Variants in WWC2 observed in about 807,000 individuals in gnomAD.
WWC2 encodes WW and C2 domain containing 2.
WWC2 carries 101 observed loss-of-function variants against 138.5 expected under a neutral mutation model. The observed-to-expected ratio is 0.73, with a 90% CI of 0.62 to 0.86. WWC2 has a LOEUF of 0.86. WWC2 is among the 40% of genes least tolerant of loss of function. WWC2 has a pLI of 0.00. For synonymous variants in WWC2, 558 were observed against 538.4 expected (o/e 1.04, Z -0.50); for missense variants, 1,420 against 1,419.4 (o/e 1.00, Z -0.01).
intron 1 of WWC2, among the ~76,000 whole-genome samples, chr4:183,189,622 T>C (rs1734933586): frequency 6.6e-6 from 1 of 152,150 alleles, no homozygotes; most frequent in African/African-American, 2.4e-5. Flanking sequence ...GCAGATTCTG[T>C]AGTAATCATA....
At chr4:183,313,487 G>T (rs73872359) in intron 22 of WWC2, among the ~76,000 whole-genome samples, 2 of 152,224 alleles carry the variant, frequency 1.3e-5, no homozygotes, top group South Asian at 2.1e-4. Flanking sequence ...GAGCAGGGGT[G>T]TGGGGAGGAT....
intron 4 of WWC2, among the ~76,000 whole-genome samples, chr4:183,218,989 T>C (rs1191589802): frequency 6.6e-6 from 1 of 152,222 alleles, no homozygotes; most frequent in Admixed American, 6.5e-5. Context: ...CATATACATA[T>C]AATGCAATAT....
chr4:183,228,713 T>C (rs1736148405), intron 4 of WWC2, among the ~76,000 whole-genome samples: 1 of 152,060 alleles, frequency 6.6e-6, no homozygotes, highest in African/African-American at 2.4e-5. Flanking sequence ...TGGAACTCTT[T>C]ACTGCTGGTG....
At chr4:183,275,103 T>C (rs1737812015) in intron 16 of WWC2, among the ~76,000 whole-genome samples, 1 of 152,146 alleles carries the variant, frequency 6.6e-6, no homozygotes, top group South Asian at 2.1e-4. Context: ...CTCCAGCCAC[T>C]GTGGAACTGT....
At chr4:183,198,675 TGAG>T (rs1735216382) in intron 2 of WWC2, among the ~76,000 whole-genome samples, 24 of 151,008 alleles carry the variant, frequency 1.6e-4, no homozygotes, top group Admixed American at 1.5e-3. Context: ...TCTTTGAAGC[TGAG>T]CATGGTAGCT....
At chr4:183,269,292 T>C in intron 15 of WWC2, 129 bp downstream of exon 15, 1 of 889,524 alleles carries the variant, frequency 1.1e-6, no homozygotes, top group Non-Finnish European at 1.8e-6. Context: ...GGGATACATC[T>C]AGTGTTTGTT....
intron 4 of WWC2, among the ~76,000 whole-genome samples, chr4:183,228,533 C>G (rs1471343770): frequency 6.6e-6 from 1 of 152,044 alleles, no homozygotes; most frequent in Non-Finnish European, 1.5e-5. Flanking sequence ...CATATTTGGG[C>G]CATTAGACTT....
intron 21 of WWC2, among the ~76,000 whole-genome samples, chr4:183,307,233 CAGAT>C (rs1739051289): frequency 6.6e-6 from 1 of 152,166 alleles, no homozygotes; most frequent in South Asian, 2.1e-4. Context: ...TTCTAAATAA[CAGAT>C]GGGTCAAAGG....
intron 1 of WWC2, among the ~76,000 whole-genome samples, chr4:183,103,982 CAG>C (rs1393136429): frequency 2.0e-5 from 3 of 151,648 alleles, no homozygotes; most frequent in East Asian, 1.9e-4. Flanking sequence ...TTTTTTGAGA[CAG>C]AGTCTCACAT....
chr4:183,267,306 G>A (rs1040244457), intron 14 of WWC2, among the ~76,000 whole-genome samples: 10 of 152,178 alleles, frequency 6.6e-5, no homozygotes, highest in African/African-American at 2.2e-4. Context: ...GCATCACATA[G>A]AAGTGCCTAG....
At chr4:183,102,617 T>G (rs1020951762) in intron 1 of WWC2, among the ~76,000 whole-genome samples, 1 of 152,190 alleles carries the variant, frequency 6.6e-6, no homozygotes, top group Non-Finnish European at 1.5e-5. Context: ...CAGGGGTCTT[T>G]GGGTGGAGTG....
At chr4:183,126,726 G>GTTTAT (rs527905219) in intron 1 of WWC2, among the ~76,000 whole-genome samples, 179 of 151,896 alleles carry the variant, frequency 1.2e-3, no homozygotes, top group Non-Finnish European at 2.3e-3. Context: ...ACACACACTG[G>GTTTAT]TTTATTTTAT....
chr4:183,150,696 C>T (rs1733613400), intron 1 of WWC2, among the ~76,000 whole-genome samples: 1 of 152,004 alleles, frequency 6.6e-6, no homozygotes, highest in South Asian at 2.1e-4. Flanking sequence ...CACCCCACAA[C>T]AGGCCCCAGT....
chr4:183,130,947 G>A (rs189783255), intron 1 of WWC2, among the ~76,000 whole-genome samples: 120 of 152,260 alleles, frequency 7.9e-4, no homozygotes, highest in Non-Finnish European at 1.5e-3. Context: ...TCAAATATCC[G>A]GGTACTGTGT....
chr4:183,280,893 G>A lies in WWC2; in HGVS notation c.2680G>A (p.Asp894Asn), dbSNP rs778184265. Residue 894 changes from aspartate to asparagine, a missense_variant, in exon 17 of 23, where the codon GAC becomes AAC. Physicochemically the swap from Asp to Asn is conservative, Grantham distance 23. Transcript: ENST00000403733. ...AGAAGAGCCAAGGGGCCCAGATGGAGACTGGTTAAACACTTATTTCCTTTG... is the reference window on the plus strand; with the variant it reads ...AGAAGAGCCAAGGGGCCCAGATGGAAACTGGTTAAACACTTATTTCCTTTG... ...GQEEPRGPDG[D>N]WLTMLREASD... The A allele has an allele frequency of 1.2e-5, 18 of 1,560,754 alleles. No homozygotes were observed. The highest frequency in any genetic ancestry group is 1.6e-5 in the Non-Finnish European group (18 of 1,152,006).
chr4:183,253,669 A>G (rs966923126), intron 8 of WWC2, 88 bp from the exon 9 acceptor site: 51 of 1,496,870 alleles, frequency 3.4e-5, no homozygotes, highest in Non-Finnish European at 4.4e-5. Flanking sequence ...TCTGGACAGC[A>G]TGTCAACACC....
intron 4 of WWC2, among the ~76,000 whole-genome samples, chr4:183,226,291 T>G (rs1736072549): frequency 6.6e-6 from 1 of 151,938 alleles, no homozygotes; most frequent in African/African-American, 2.4e-5. Context: ...AGAGACAGGA[T>G]TTTGCCATGT....
intron 1 of WWC2, among the ~76,000 whole-genome samples, chr4:183,162,358 G>C (rs1367592221): frequency 6.6e-6 from 1 of 152,108 alleles, no homozygotes; most frequent in African/African-American, 2.4e-5. Flanking sequence ...ATTATACTCT[G>C]TTCTCATAAT....
chr4:183,191,377 C>T (rs1282046059), intron 1 of WWC2, among the ~76,000 whole-genome samples: 1 of 152,008 alleles, frequency 6.6e-6, no homozygotes, highest in South Asian at 2.1e-4. Flanking sequence ...GTTTGAGATT[C>T]ATTTTACTCA....
Sources: gnomAD v4.1 joint callset for allele counts (sites outside exome capture counted in the v4.1 genomes callset) on GRCh38, gnomAD v4.1.1 for gene constraint, MANE v1.5 for transcripts, NCBI Gene and HGNC (gene_info 2026-07-23, HGNC 2026-07-21) for gene names.